The following USP7 variants were observed in gnomAD, a reference collection of about 807,000 sequenced individuals.
The protein encoded by USP7 is ubiquitin C-terminal hydrolase 7.
USP7 carries 9 observed loss-of-function variants against 162.9 expected under a neutral mutation model. The observed-to-expected ratio is 0.06, with a 90% confidence interval of 0.03 to 0.10. USP7 has a LOEUF of 0.10. USP7 is among the 10% of genes least tolerant of loss of function. The pLI is 1.00. For synonymous variants in USP7, 562 were observed against 475.9 expected (o/e 1.18, Z -2.35); for missense variants, 715 against 1,373.7 (o/e 0.52, Z 7.58).
chr16:8,893,779 A>G lies in USP7; in HGVS notation c.*219T>C. 1 of 518,146 alleles carries G rather than the reference A, an allele frequency of 1.9e-6. No homozygotes were observed. The highest frequency in any genetic ancestry group is 2.1e-5 in the South Asian group (1 of 47,342). The allele number at this position is 518,146 out of a possible 1,614,324, so 32.1% of individuals were successfully genotyped here. A position where few individuals can be genotyped will look rare whatever the true frequency, so the allele number is the denominator to read the frequency against. ...CTGTGGTTACCATAAAATAACTCTC[A>G]TTGGCATCCAAGCTTTATAAAAACA... On this transcript the variant is annotated 3_prime_UTR_variant, in exon 31 of 31. Coordinates refer to ENST00000344836, the MANE Select transcript of USP7 (RefSeq NM_003470.3).
At chr16:8,933,178 G>T (rs1270692590) in intron 1 of USP7, among the ~76,000 whole-genome samples, 3 of 152,170 alleles carry the variant, frequency 2.0e-5, no homozygotes, top group Non-Finnish European at 4.4e-5. Flanking sequence ...GACCTCAAGT[G>T]ATCCACCTGC....
chr16:8,905,738 C>T (rs1273121779), intron 13 of USP7, among the ~76,000 whole-genome samples: 1 of 152,198 alleles, frequency 6.6e-6, no homozygotes, highest in Non-Finnish European at 1.5e-5. Flanking sequence ...ACTAAATGAG[C>T]TGTTTTATCC....
chr16:8,946,311 T>C (rs1050075890), intron 1 of USP7, among the ~76,000 whole-genome samples: 1 of 152,198 alleles, frequency 6.6e-6, no homozygotes, highest in East Asian at 1.9e-4. Context: ...CAGGCGGCGG[T>C]GGCTTAAGCC....
At chr16:8,945,145 A>AC (rs1899221833) in intron 1 of USP7, among the ~76,000 whole-genome samples, 1 of 152,022 alleles carries the variant, frequency 6.6e-6, no homozygotes, top group Non-Finnish European at 1.5e-5. Context: ...AATCTCAGCT[A>AC]CTCAGGAGGT....
At chr16:8,957,774 CA>C (rs945513776) in intron 1 of USP7, among the ~76,000 whole-genome samples, 13 of 146,870 alleles carry the variant, frequency 8.9e-5, no homozygotes, top group African/African-American at 2.8e-4. Context: ...AAAAAAAAAA[CA>C]AAAAAAAATT....
chr16:8,936,670 C>T, intron 1 of USP7: 2 of 1,536,026 alleles, frequency 1.3e-6, no homozygotes, highest in Non-Finnish European at 1.7e-6. Flanking sequence ...CTCTCACCCA[C>T]ATCAGAGTGA....
chr16:8,922,006 C>T (rs904858605), intron 3 of USP7, among the ~76,000 whole-genome samples: 9 of 152,172 alleles, frequency 5.9e-5, no homozygotes, highest in East Asian at 3.8e-4. Context: ...CCTGCTTGCT[C>T]GGGACGCTGA....
At chr16:8,933,084 G>A (rs1898466497) in intron 1 of USP7, among the ~76,000 whole-genome samples, 1 of 152,064 alleles carries the variant, frequency 6.6e-6, no homozygotes, top group Non-Finnish European at 1.5e-5. Flanking sequence ...GGGATTACAG[G>A]TGTGTACCAC....
chr16:8,894,284 A>G (rs566509425), intron 30 of USP7, among the ~76,000 whole-genome samples, 180 bp from the exon 31 acceptor site: 37 of 152,326 alleles, frequency 2.4e-4, no homozygotes, highest in Non-Finnish European at 4.7e-4. Context: ...ACTGCGCCTC[A>G]GAGCCACTGC....
intron 1 of USP7, chr16:8,949,514 A>G (rs966789593): frequency 6.6e-6 from 1 of 152,346 alleles, no homozygotes; most frequent in African/African-American, 2.4e-5. Context: ...CTGTGCTTCT[A>G]TTTTCATCCA....
At position 8,963,292 on chromosome 16, in the gene USP7, C is replaced by CGCGGCCTGGGCCTCGCCT. The variant is rs768076282; in HGVS notation, c.-25_-8dup. 1.1e-5 allele frequency: 14 copies of CGCGGCCTGGGCCTCGCCT among 1,278,120 alleles called. No individual in the cohort carries two copies. Among genetic ancestry groups the CGCGGCCTGGGCCTCGCCT allele is most frequent in the Non-Finnish European group, 1.3e-5 (13 of 990,948 alleles). The allele number at this position is 1,278,120 out of a possible 1,614,324, so 79.2% of individuals were successfully genotyped here. On this transcript the variant is annotated 5_prime_UTR_variant, in exon 1 of 31. Coordinates refer to ENST00000344836, the MANE Select transcript of USP7 (RefSeq NM_003470.3). ...GCTGCTGCTGGTGGTTCATGTCGGCCGCGGCCTGGGCCTCGCCTGCGGCCG... is the reference window on the plus strand; with the variant it reads ...GCTGCTGCTGGTGGTTCATGTCGGCCGCGGCCTGGGCCTCGCCTGCGGCCTGGGCCTCGCCTGCGGCCG...
intron 2 of USP7, 82 bp from the exon 3 acceptor site, chr16:8,923,495 T>A: frequency 1.4e-6 from 2 of 1,434,040 alleles, no homozygotes; most frequent in Non-Finnish European, 1.9e-6. Context: ...AGTAAACTGT[T>A]CTATACATCC....
chr16:8,898,990 C>G, intron 23 of USP7, 131 bp downstream of exon 23: 2 of 1,001,634 alleles, frequency 2.0e-6, no homozygotes, highest in African/African-American at 1.6e-5. Context: ...GGTGACAATT[C>G]TGAAACTAAG....
At chr16:8,903,867 CAAAA>C (rs36064651) in intron 15 of USP7, among the ~76,000 whole-genome samples, 1 of 120,572 alleles carries the variant, frequency 8.3e-6, no homozygotes, top group Non-Finnish European at 1.8e-5. Flanking sequence ...AACTCTGTCT[CAAAA>C]AAAAAAAAAA....
intron 2 of USP7, among the ~76,000 whole-genome samples, chr16:8,924,596 C>T (rs915580763): frequency 6.6e-6 from 1 of 152,256 alleles, no homozygotes; most frequent in Admixed American, 6.5e-5. Context: ...TCCCATCCTT[C>T]ATCTTCAGGC....
intron 1 of USP7, among the ~76,000 whole-genome samples, chr16:8,932,949 AATTTTTTTTTTTT>A (rs1459129061): frequency 6.6e-6 from 1 of 151,902 alleles, no homozygotes; most frequent in Non-Finnish European, 1.5e-5. Context: ...ATTCCAATGG[AATTTTTTTTTTTT>A]ATGGAGTTTC....
intron 1 of USP7, among the ~76,000 whole-genome samples, chr16:8,943,254 TG>T (rs1411587721): frequency 6.6e-6 from 1 of 152,094 alleles, no homozygotes; most frequent in African/African-American, 2.4e-5. Context: ...CACTGATGAT[TG>T]GTTTTAATGC....
intron 15 of USP7, 141 bp from the exon 16 acceptor site, chr16:8,903,543 C>A: frequency 7.0e-6 from 8 of 1,145,998 alleles, no homozygotes; most frequent in African/African-American, 1.6e-5. Flanking sequence ...TGAAGAAAAA[C>A]CGCATAAAAT....
chr16:8,897,180 G>T (rs1456028601), intron 25 of USP7, 81 bp from the exon 26 acceptor site: 6 of 1,118,814 alleles, frequency 5.4e-6, no homozygotes, highest in Non-Finnish European at 8.0e-6. Context: ...GGAGAAAGTT[G>T]CATCATTGTT....
Sources: gnomAD v4.1 joint callset for allele counts (sites outside exome capture counted in the v4.1 genomes callset) on GRCh38, gnomAD v4.1.1 for gene constraint, MANE v1.5 for transcripts, NCBI Gene and HGNC (gene_info 2026-07-23, HGNC 2026-07-21) for gene names.